The following MACROD2 variants were observed in gnomAD, a reference collection of about 807,000 sequenced individuals.
MACROD2 encodes the protein mono-ADP ribosylhydrolase 2.
MACROD2 carries 36 observed loss-of-function variants against 70.4 expected under a neutral mutation model. The ratio of observed to expected loss-of-function variants is 0.51; its 90% CI spans 0.39 to 0.68. The LOEUF is 0.68. MACROD2 is among the 30% of genes least tolerant of loss of function. The pLI is 0.00. For missense variants in MACROD2, 496 were observed against 538.4 expected (o/e 0.92, Z 0.78); for synonymous variants, 172 against 178.8 (o/e 0.96, Z 0.30).
intron 5 of MACROD2, among the ~76,000 whole-genome samples, chr20:15,196,187 A>C (rs2145921189): frequency 6.6e-6 from 1 of 152,282 alleles, no homozygotes; most frequent in African/African-American, 2.4e-5. Context: ...CCATCATCGC[A>C]CATGTTTACC....
chr20:15,362,801 TAAA>T (rs2078368408), intron 6 of MACROD2, among the ~76,000 whole-genome samples: 1 of 152,050 alleles, frequency 6.6e-6, no homozygotes, highest in South Asian at 2.1e-4. Flanking sequence ...TCTTGCATAA[TAAA>T]CAACCATTTA....
intron 3 of MACROD2, among the ~76,000 whole-genome samples, chr20:14,237,630 G>A (rs2081889133): frequency 6.6e-6 from 1 of 151,696 alleles, no homozygotes; most frequent in East Asian, 1.9e-4. Context: ...CCATGCTGGT[G>A]TGCTGCACCC....
chr20:15,863,852 G>A (rs2064457963), intron 9 of MACROD2, among the ~76,000 whole-genome samples: 1 of 152,190 alleles, frequency 6.6e-6, no homozygotes, highest in Admixed American at 6.6e-5. Flanking sequence ...AATGGAGATG[G>A]TCAGCTCTCT....
intron 6 of MACROD2, among the ~76,000 whole-genome samples, chr20:15,414,179 T>C (rs899539749): frequency 6.6e-6 from 1 of 152,180 alleles, no homozygotes; most frequent in African/African-American, 2.4e-5. Context: ...TTTACTGATA[T>C]AAGGGTCACC....
intron 3 of MACROD2, among the ~76,000 whole-genome samples, chr20:14,288,127 T>TAC (rs1290690594): frequency 1.3e-5 from 2 of 151,740 alleles, no homozygotes; most frequent in African/African-American, 4.8e-5. Flanking sequence ...CCCTACAAGG[T>TAC]AGGGTGTACC....
intron 11 of MACROD2, among the ~76,000 whole-genome samples, chr20:15,935,045 GCACACTCACA>G (rs1157252427): frequency 6.6e-6 from 1 of 151,964 alleles, no homozygotes; most frequent in Non-Finnish European, 1.5e-5. Flanking sequence ...ATGTACACAC[GCACACTCACA>G]CACACGTATG....
chr20:15,867,323 T>C (rs138711719), intron 9 of MACROD2, among the ~76,000 whole-genome samples: 19 of 152,316 alleles, frequency 1.2e-4, no homozygotes, highest in African/African-American at 3.8e-4. Context: ...TTGCCCCTTG[T>C]AGAAATGCTT....
intron 15 of MACROD2, among the ~76,000 whole-genome samples, chr20:16,019,845 G>A (rs2066978534): frequency 6.6e-6 from 1 of 152,144 alleles, no homozygotes; most frequent in African/African-American, 2.4e-5. Context: ...GGAGGGTAGG[G>A]CACATAGAGA....
At chr20:15,713,987 GCACACACA>G (rs3071356) in intron 8 of MACROD2, among the ~76,000 whole-genome samples, 3,034 of 117,766 alleles carry the variant, frequency 0.026, 119 homozygotes, top group African/African-American at 0.077. Context: ...ACACACATAT[GCACACACA>G]CACACACACA....
At chr20:14,631,863 A>G (rs1984534391) in intron 4 of MACROD2, 1 of 152,236 alleles carries the variant, frequency 6.6e-6, no homozygotes, top group Non-Finnish European at 1.5e-5. Context: ...GTTACATGCC[A>G]TTGACAATCT....
chr20:15,298,252 A>T lies in MACROD2; in HGVS notation c.540+68191A>T, dbSNP rs1202981885. 2.0e-5 allele frequency among the ~76,000 whole-genome samples: 3 copies of T among 152,222 alleles called. No individual in the cohort carries two copies. The East Asian group carries it at 5.8e-4, about 29-fold the overall frequency. On this transcript the variant is annotated intron_variant, in intron 6 of 17. Transcript: ENST00000684519. ...GGAACAGGGGTTGTGTGAAGATCCT[A>T]TGAGATAATGCATGTAAAGTGTATC...
At chr20:15,131,457 G>T (rs2076104551) in intron 5 of MACROD2, among the ~76,000 whole-genome samples, 1 of 152,010 alleles carries the variant, frequency 6.6e-6, no homozygotes, top group Non-Finnish European at 1.5e-5. Flanking sequence ...CTCAAAAGCA[G>T]AAACAGATTA....
intron 15 of MACROD2, among the ~76,000 whole-genome samples, chr20:15,992,784 G>A (rs1208312283): frequency 6.6e-6 from 1 of 152,128 alleles, no homozygotes; most frequent in African/African-American, 2.4e-5. Context: ...ATCAAACCAC[G>A]TGGTTTATCA....
At chr20:14,247,425 A>G (rs977785373) in intron 3 of MACROD2, among the ~76,000 whole-genome samples, 4 of 152,214 alleles carry the variant, frequency 2.6e-5, no homozygotes, top group African/African-American at 9.6e-5. Flanking sequence ...GAATATGGCT[A>G]CGTAAGAATT....
chr20:15,832,140 T>A (rs866055311), intron 8 of MACROD2, among the ~76,000 whole-genome samples: 13 of 152,310 alleles, frequency 8.5e-5, no homozygotes, highest in Non-Finnish European at 1.8e-4. Context: ...AGAATATGGA[T>A]GTCAGTGGCC....
chr20:14,079,260 C>T (rs903863918), intron 2 of MACROD2, among the ~76,000 whole-genome samples: 2 of 152,152 alleles, frequency 1.3e-5, no homozygotes, highest in Non-Finnish European at 2.9e-5. Flanking sequence ...GTATAGCCTT[C>T]TAATGGCATT....
At chr20:14,415,908 A>G (rs1019039397) in intron 3 of MACROD2, among the ~76,000 whole-genome samples, 4 of 150,994 alleles carry the variant, frequency 2.6e-5, no homozygotes, top group Non-Finnish European at 5.9e-5. Context: ...CTTTTTTCTT[A>G]TTAGAAGTGT....
chr20:15,666,832 C>T (rs1352041188), intron 8 of MACROD2, among the ~76,000 whole-genome samples: 1 of 152,184 alleles, frequency 6.6e-6, no homozygotes, highest in Non-Finnish European at 1.5e-5. Context: ...GGTAAAGAAG[C>T]ACGCCCACCT....
chr20:15,557,535 G>A (rs2048184004), intron 8 of MACROD2, among the ~76,000 whole-genome samples: 2 of 152,120 alleles, frequency 1.3e-5, no homozygotes, highest in African/African-American at 4.8e-5. Context: ...GCTTACCATT[G>A]GCCCCTTGGG....
Sources: gnomAD v4.1 joint callset for allele counts (sites outside exome capture counted in the v4.1 genomes callset) on GRCh38, gnomAD v4.1.1 for gene constraint, MANE v1.5 for transcripts, NCBI Gene and HGNC (gene_info 2026-07-23, HGNC 2026-07-21) for gene names.